Variants in DAB1 observed in about 807,000 individuals in gnomAD.
DAB1 encodes the protein DAB adaptor protein 1.
A neutral mutation model predicts 64.6 loss-of-function variants in DAB1; 15 were observed. The ratio of observed to expected loss-of-function variants is 0.23; its 90% CI spans 0.16 to 0.36. DAB1 has a LOEUF of 0.36. Ranked by LOEUF, DAB1 falls within the 10% of genes least tolerant of loss-of-function variation. DAB1 has a pLI of 1.00. For synonymous variants in DAB1, 235 were observed against 251.9 expected, an observed-to-expected ratio of 0.93 and a Z score of 0.64; for missense variants, 596 against 706.7, an observed-to-expected ratio of 0.84 and a Z score of 1.78.
intron 3 of DAB1, among the ~76,000 whole-genome samples, chr1:58,355,490 A>C (rs959640376): frequency 6.6e-6 from 1 of 152,130 alleles, no homozygotes; most frequent in Non-Finnish European, 1.5e-5. Context: ...CTATCCCTTA[A>C]TAACAAGCCT....
Position 57,325,317 on chromosome 1 carries a change from C to A in DAB1, c.-136-34151G>T, listed in dbSNP as rs568066751. Among the ~76,000 whole-genome samples the A allele has an allele frequency of 3.9e-4, 59 of 152,280 alleles. 1 individual carries two copies. In the South Asian group the frequency reaches 0.011, roughly 28 times the overall value. ...CCGAGTTAGCCTCAAAAGTGGTCATCGGTGTTGGTAAGCATGCTTTACACA... is the reference window on the plus strand; with the variant it reads ...CCGAGTTAGCCTCAAAAGTGGTCATAGGTGTTGGTAAGCATGCTTTACACA... On this transcript the variant is annotated intron_variant, in intron 1 of 14. Transcript: ENST00000371236.
At chr1:58,167,719 G>T (rs1301039798) in intron 4 of DAB1, among the ~76,000 whole-genome samples, 1 of 152,186 alleles carries the variant, frequency 6.6e-6, no homozygotes, top group African/African-American at 2.4e-5. Flanking sequence ...CCTGAAGTCA[G>T]TGAAACCACG....
At chr1:57,943,611 A>G (rs1645135403) in intron 5 of DAB1, among the ~76,000 whole-genome samples, 1 of 152,224 alleles carries the variant, frequency 6.6e-6, no homozygotes, top group Admixed American at 6.5e-5. Flanking sequence ...CATCAGGAAT[A>G]TTCACCAGTG....
chr1:57,080,754 A>G (rs56344645), intron 4 of DAB1, among the ~76,000 whole-genome samples: 144 of 119,440 alleles, frequency 1.2e-3, no homozygotes, highest in African/African-American at 3.9e-3. Context: ...ACACACACAC[A>G]CGCACACACA....
At chr1:57,061,744 G>T (rs143007837) in intron 9 of DAB1, among the ~76,000 whole-genome samples, 28 of 152,242 alleles carry the variant, frequency 1.8e-4, no homozygotes, top group African/African-American at 6.7e-4. Flanking sequence ...GCTCCTCATG[G>T]GATGGAGTTT....
intron 5 of DAB1, chr1:58,048,532 TC>T: frequency 8.1e-7 from 1 of 1,235,072 alleles, no homozygotes; most frequent in Non-Finnish European, 1.2e-6. Flanking sequence ...GGCCACTTCC[TC>T]CATAACCACC....
intron 1 of DAB1, among the ~76,000 whole-genome samples, chr1:57,373,308 G>T (rs1159238135): frequency 2.6e-5 from 4 of 152,204 alleles, no homozygotes; most frequent in African/African-American, 9.6e-5. Flanking sequence ...ACCTCTTAAT[G>T]ATGCTCAGTG....
chr1:58,258,731 A>G (rs1232168108), intron 4 of DAB1, among the ~76,000 whole-genome samples: 1 of 152,168 alleles, frequency 6.6e-6, no homozygotes, highest in African/African-American at 2.4e-5. Flanking sequence ...CATTAATTGA[A>G]TTTCCTGTTT....
chr1:57,670,401 AC>A (rs1212742821), intron 6 of DAB1, among the ~76,000 whole-genome samples: 1 of 152,074 alleles, frequency 6.6e-6, no homozygotes, highest in Non-Finnish European at 1.5e-5. Context: ...CTGATCAATT[AC>A]CCTAGGACGA....
chr1:58,474,327 A>T (rs1645397607), intron 3 of DAB1, among the ~76,000 whole-genome samples: 1 of 152,134 alleles, frequency 6.6e-6, no homozygotes, highest in South Asian at 2.1e-4. Context: ...CTGACCTTGA[A>T]TCCTCAGTGG....
At chr1:58,403,594 A>G (rs1644590916) in intron 3 of DAB1, among the ~76,000 whole-genome samples, 1 of 152,204 alleles carries the variant, frequency 6.6e-6, no homozygotes, top group Non-Finnish European at 1.5e-5. Flanking sequence ...TAGCTGTGGA[A>G]TTTGAGCAAG....
At chr1:57,543,039 C>T (rs1240913250) in intron 7 of DAB1, among the ~76,000 whole-genome samples, 3 of 152,242 alleles carry the variant, frequency 2.0e-5, no homozygotes, top group Non-Finnish European at 2.9e-5. Flanking sequence ...GAGGCATATC[C>T]TTTAGCCTGG....
intron 1 of DAB1, among the ~76,000 whole-genome samples, chr1:57,848,353 A>G (rs1427848203): frequency 1.3e-5 from 2 of 152,272 alleles, no homozygotes; most frequent in African/African-American, 4.8e-5. Flanking sequence ...AATCATAAAA[A>G]TGAGATACTA....
chr1:58,151,018 G>A (rs919966419), intron 4 of DAB1, among the ~76,000 whole-genome samples: 1 of 152,168 alleles, frequency 6.6e-6, no homozygotes, highest in Admixed American at 6.5e-5. Context: ...CAAAGGACAT[G>A]AACCCATCAT....
intron 5 of DAB1, among the ~76,000 whole-genome samples, chr1:58,070,782 C>A (rs1406894052): frequency 1.3e-5 from 2 of 152,120 alleles, no homozygotes; most frequent in Admixed American, 6.6e-5. Flanking sequence ...GAGGAGGAGG[C>A]AAGGTCACAG....
chr1:57,028,223 G>T (rs968683224), intron 9 of DAB1, among the ~76,000 whole-genome samples: 2 of 152,172 alleles, frequency 1.3e-5, no homozygotes, highest in Non-Finnish European at 2.9e-5. Context: ...TCATGATAGT[G>T]AATAAGTCTC....
chr1:58,170,208 C>T, intron 4 of DAB1, among the ~76,000 whole-genome samples: 1 of 152,132 alleles, frequency 6.6e-6, no homozygotes, highest in Non-Finnish European at 1.5e-5. Context: ...ATCATGGGGA[C>T]TGGAGTTGTA....
At chr1:57,271,404 G>C (rs1382929990) in intron 2 of DAB1, among the ~76,000 whole-genome samples, 1 of 152,174 alleles carries the variant, frequency 6.6e-6, no homozygotes, top group Non-Finnish European at 1.5e-5. Flanking sequence ...TGACTGCTTC[G>C]TGTTGCCACT....
At chr1:57,512,816 T>C (rs1194902305) in intron 7 of DAB1, among the ~76,000 whole-genome samples, 1 of 152,092 alleles carries the variant, frequency 6.6e-6, no homozygotes, top group Non-Finnish European at 1.5e-5. Flanking sequence ...CGGTTTAGGT[T>C]TGGGGGCATG....
Sources: gnomAD v4.1 joint callset for allele counts (sites outside exome capture counted in the v4.1 genomes callset) on GRCh38, gnomAD v4.1.1 for gene constraint, MANE v1.5 for transcripts, NCBI Gene and HGNC (gene_info 2026-07-23, HGNC 2026-07-21) for gene names.